The following SLK variants were observed in gnomAD, a reference collection of about 807,000 sequenced individuals.
SLK encodes the protein STE20 like kinase, also known as STE20-like serine/threonine-protein kinase.
In SLK, 67 loss-of-function variants were observed where a neutral mutation model predicts 147.7. The ratio of observed to expected loss-of-function variants is 0.45; its 90% CI spans 0.37 to 0.56. SLK has a LOEUF of 0.56. Among genes scored for constraint, SLK ranks in the 20% least tolerant of loss-of-function variants. SLK has a pLI of 0.00. For synonymous variants in SLK, 441 were observed against 475.0 expected (o/e 0.93, Z 0.93); for missense variants, 1,136 against 1,438.8 (o/e 0.79, Z 3.41).
intron 18 of SLK, among the ~76,000 whole-genome samples, chr10:104,025,369 C>T (rs1844584219): frequency 6.6e-6 from 1 of 152,068 alleles, no homozygotes; most frequent in African/African-American, 2.4e-5. Context: ...AAGTAATGGA[C>T]CCAAATTGTC....
chr10:104,005,091 C>T (rs1589539730), intron 9 of SLK, among the ~76,000 whole-genome samples: 1 of 152,012 alleles, frequency 6.6e-6, no homozygotes, highest in Admixed American at 6.6e-5. Flanking sequence ...AAAGAGATTT[C>T]CAGCTACCCT....
At chr10:104,019,685 TA>T in intron 15 of SLK, 48 bp from the exon 16 acceptor site, 1 of 1,344,012 alleles carries the variant, frequency 7.4e-7, no homozygotes, top group Non-Finnish European at 1.1e-6. Flanking sequence ...TGCATGTGGG[TA>T]CTGACTATTG....
chr10:104,020,935 T>G (rs1045450597), intron 17 of SLK, among the ~76,000 whole-genome samples: 1 of 152,214 alleles, frequency 6.6e-6, no homozygotes, highest in South Asian at 2.1e-4. Flanking sequence ...GTAGACAGTT[T>G]TGTTGTCATA....
At chr10:103,968,974 T>C (rs1319888526) in intron 1 of SLK, among the ~76,000 whole-genome samples, 6 of 152,146 alleles carry the variant, frequency 3.9e-5, no homozygotes, top group Non-Finnish European at 8.8e-5. Context: ...CCTACTACTT[T>C]CTTTTTTTTT....
rs1316413157 is a variant in SLK, at chr10:104,003,548, G to A, written c.2349+21G>A. Reference sequence around the variant, plus strand: ...TACAAGTAAGTGTACATGAGTCATTGTTTGGGTTTTCCTTTGCCATTTTCT... The same window carrying A: ...TACAAGTAAGTGTACATGAGTCATTATTTGGGTTTTCCTTTGCCATTTTCT... On this transcript the variant is annotated intron_variant, in intron 9 of 18. Transcript: ENST00000369755. 10 of 1,514,238 alleles carry A rather than the reference G, an allele frequency of 6.6e-6. No homozygotes were observed. In the Admixed American group the frequency reaches 1.8e-4, roughly 27 times the overall value. The allele number at this position is 1,514,238 out of a possible 1,614,324, so 93.8% of individuals were successfully genotyped here. A position where few individuals can be genotyped will look rare whatever the true frequency, so the allele number is the denominator to read the frequency against.
intron 2 of SLK, 62 bp from the exon 3 acceptor site, chr10:103,992,536 A>G: frequency 7.1e-7 from 1 of 1,418,142 alleles, no homozygotes; most frequent in Non-Finnish European, 9.4e-7. Flanking sequence ...AAGAAAAAAT[A>G]CTGAAACTCA....
rs181687910 is a variant in SLK, at chr10:103,988,713, A to G, written c.151-1962A>G. ...ATATCATGGGGTTGTTGTGAAGATT[A>G]AATAGTAATAGTAATTACAGCTAAC... On this transcript the variant is annotated intron_variant, in intron 1 of 18. Transcript: ENST00000369755. Among the ~76,000 whole-genome samples, 45 of 152,334 alleles carry G rather than the reference A, an allele frequency of 3.0e-4. No individual in the cohort carries two copies. In the East Asian group the frequency reaches 8.5e-3, roughly 29 times the overall value.
intron 9 of SLK, among the ~76,000 whole-genome samples, chr10:104,003,903 A>G (rs894502229): frequency 3.9e-5 from 6 of 152,196 alleles, no homozygotes; most frequent in East Asian, 1.9e-4. Flanking sequence ...ACAATCCTTG[A>G]TTTACCATTG....
chr10:104,017,667 A>G lies in SLK; in HGVS notation c.2878-493A>G, dbSNP rs371262727. Among the ~76,000 whole-genome samples, 11 of 152,264 alleles carry G rather than the reference A, an allele frequency of 7.2e-5. No individual in the cohort carries two copies. The East Asian group carries it at 9.6e-4, about 13-fold the overall frequency. On this transcript the variant is annotated intron_variant, in intron 13 of 18. Transcript: ENST00000369755. ...GCTAATTTTTGTATATTTAGTAGAG[A>G]TGGGGTTTCACCATGTTGGCCAGGC...
rs1320403773 is a variant in SLK, at chr10:104,010,799, A to G, written c.2785-17A>G. On this transcript the variant is annotated splice_polypyrimidine_tract_variant and intron_variant, in intron 12 of 18. Transcript: ENST00000369755. ...AAAGTATCATTTCCCCACCTCCTGC[A>G]TGCTTATACACTGTAGGTTATAAAT... is the stretch of plus-strand genomic sequence containing the variant. 6.8e-7 allele frequency: 1 copy of G among 1,478,910 alleles called. No homozygotes were observed. Among genetic ancestry groups the G allele is most frequent in the Non-Finnish European group, 9.1e-7 (1 of 1,104,640 alleles). 91.6% of individuals were successfully genotyped at this position (1,478,910 alleles called of 1,614,324 possible).
chr10:104,008,356 G>A lies in SLK; in HGVS notation c.2784G>A (p.Glu928=), dbSNP rs753703433. The change falls in exon 12 of 19, where the codon GAG becomes GAA. Residue 928 remains glutamate, a splice_region_variant and synonymous_variant. Transcript: ENST00000369755. ...ATATGCTGAAGAACCGAAAGAAGGAGGTAAGTGTAAACTACTGTTTTTAAT... is the reference window on the plus strand; with the variant it reads ...ATATGCTGAAGAACCGAAAGAAGGAAGTAAGTGTAAACTACTGTTTTTAAT... The part of the protein sequence containing the change: ...FQNMLKNRKK[E]VINEVEKAPK... The A allele has an allele frequency of 2.2e-5, 35 of 1,600,996 alleles. 1 individual carries two copies. The highest frequency in any genetic ancestry group is 3.0e-5 in the Non-Finnish European group (35 of 1,174,258).
At chr10:103,967,994 T>G in intron 1 of SLK, 99 bp downstream of exon 1, 1 of 1,222,040 alleles carries the variant, frequency 8.2e-7, no homozygotes, top group Admixed American at 2.2e-5. Flanking sequence ...TATCCTGTCC[T>G]TCTTTTGACT....
At position 104,002,736 on chromosome 10, in the gene SLK, G is replaced by C; in HGVS notation, c.1558G>C (p.Val520Leu). The part of the protein sequence containing the change: ...EANIQAVDSE[V>L]GLTKEDTQEK... ...AAATATTCAGGCAGTTGATAGTGAA[G>C]TTGGGCTTACAAAGGAAGACACCCA... Residue 520 changes from valine to leucine, a missense_variant, in exon 9 of 19, where the codon GTT (valine) becomes CTT (leucine). Physicochemically the swap from Val to Leu is conservative, Grantham distance 32. Around this residue, in one of 6 missense-constraint regions of SLK, gnomAD observed 516 missense variants for 531.3 expected, o/e 0.97. Coordinates refer to ENST00000369755, the MANE Select transcript of SLK (RefSeq NM_014720.4). 1 of 1,613,846 alleles carries C rather than the reference G, an allele frequency of 6.2e-7. No homozygotes were observed. Among genetic ancestry groups the C allele is most frequent in the Non-Finnish European group, 8.5e-7 (1 of 1,179,976 alleles).
At chr10:103,968,773 A>G (rs1418134413) in intron 1 of SLK, among the ~76,000 whole-genome samples, 3 of 152,194 alleles carry the variant, frequency 2.0e-5, no homozygotes, top group African/African-American at 7.2e-5. Context: ...AGTACTTTCA[A>G]ATAATTTGGC....
At chr10:104,000,690 C>T (rs998562055) in intron 7 of SLK, among the ~76,000 whole-genome samples, 4 of 152,140 alleles carry the variant, frequency 2.6e-5, no homozygotes, top group African/African-American at 7.2e-5. Context: ...TTTATAGATA[C>T]TTCTAACAGA....
At chr10:104,001,095 G>A (rs1016491928) in intron 7 of SLK, among the ~76,000 whole-genome samples, 7 of 135,844 alleles carry the variant, frequency 5.2e-5, no homozygotes, top group African/African-American at 1.6e-4. Flanking sequence ...AAGTAATAAT[G>A]TAGTGACCTG....
intron 1 of SLK, among the ~76,000 whole-genome samples, chr10:103,977,029 A>G (rs1176584618): frequency 2.0e-5 from 3 of 152,208 alleles, no homozygotes; most frequent in South Asian, 4.1e-4. Flanking sequence ...GACATTGCCA[A>G]ATGTCTCCTG....
chr10:103,996,910 G>A (rs968340599), intron 4 of SLK, among the ~76,000 whole-genome samples: 2 of 151,854 alleles, frequency 1.3e-5, no homozygotes, highest in South Asian at 2.1e-4. Flanking sequence ...CTTTTTTATC[G>A]TAGGAAAATA....
intron 1 of SLK, among the ~76,000 whole-genome samples, chr10:103,983,922 C>A (rs1261359019): frequency 6.6e-6 from 1 of 152,200 alleles, no homozygotes; most frequent in Non-Finnish European, 1.5e-5. Context: ...GGAACCCTTC[C>A]TCCAAGCTTC....
Sources: gnomAD v4.1 joint callset for allele counts (sites outside exome capture counted in the v4.1 genomes callset) on GRCh38, gnomAD v4.1.1 for gene constraint, gnomAD v4.1.1 regional missense constraint, MANE v1.5 for transcripts, NCBI Gene and HGNC (gene_info 2026-07-23, HGNC 2026-07-21) for gene names.